DGKI: variants seen among roughly 807,000 people sequenced by gnomAD.
DGKI encodes the protein diacylglycerol kinase iota.
In DGKI, 55 loss-of-function variants were observed where a neutral mutation model predicts 147.5. The observed-to-expected ratio is 0.37, with a 90% CI of 0.30 to 0.47. DGKI has a LOEUF of 0.47. DGKI is among the 20% of genes least tolerant of loss of function. The pLI, the probability that DGKI is intolerant of heterozygous loss-of-function variation, is 1.00. For missense variants in DGKI, 1,007 were observed against 1,323.8 expected (o/e 0.76, Z 3.71); for synonymous variants, 469 against 477.1 (o/e 0.98, Z 0.22).
intron 2 of DGKI, 108 bp from the exon 3 acceptor site, chr7:137,678,760 T>A: frequency 1.1e-6 from 1 of 941,978 alleles, no homozygotes; most frequent in South Asian, 1.4e-5. Context: ...CCAAGGAGTC[T>A]AAACATTTCT....
intron 19 of DGKI, among the ~76,000 whole-genome samples, chr7:137,567,252 A>G (rs893483114): frequency 3.4e-5 from 5 of 147,916 alleles, no homozygotes; most frequent in African/African-American, 1.3e-4. Context: ...CAACAAGAGC[A>G]AAACTCCATC....
At chr7:137,761,990 T>C (rs1012539107) in intron 1 of DGKI, among the ~76,000 whole-genome samples, 10 of 152,188 alleles carry the variant, frequency 6.6e-5, no homozygotes, top group Admixed American at 1.3e-4. Flanking sequence ...AGGTAGTAAT[T>C]AAACCCACTT....
chr7:137,421,305 T>C (rs568461861), intron 28 of DGKI, among the ~76,000 whole-genome samples: 1 of 152,218 alleles, frequency 6.6e-6, no homozygotes, highest in Non-Finnish European at 1.5e-5. Flanking sequence ...CCATCTTAGA[T>C]TGTGTAACCA....
chr7:137,652,906 G>A (rs1189435973), intron 5 of DGKI, among the ~76,000 whole-genome samples: 1 of 152,162 alleles, frequency 6.6e-6, no homozygotes, highest in African/African-American at 2.4e-5. Flanking sequence ...TAAATAGGCT[G>A]ATGACTCACA....
At chr7:137,733,878 T>C (rs983973455) in intron 1 of DGKI, among the ~76,000 whole-genome samples, 3 of 152,088 alleles carry the variant, frequency 2.0e-5, no homozygotes, top group African/African-American at 7.2e-5. Flanking sequence ...TGGTTTCACA[T>C]GCTACCTATA....
chr7:137,534,966 G>A (rs1817468693), intron 20 of DGKI, among the ~76,000 whole-genome samples: 1 of 152,056 alleles, frequency 6.6e-6, no homozygotes, highest in Non-Finnish European at 1.5e-5. Context: ...AGACAAAGAG[G>A]GAAGACCATA....
chr7:137,819,225 C>T (rs1390994711), intron 1 of DGKI, among the ~76,000 whole-genome samples: 1 of 152,146 alleles, frequency 6.6e-6, no homozygotes, highest in Non-Finnish European at 1.5e-5. Flanking sequence ...AGACGTTACA[C>T]CAGATAACAC....
intron 20 of DGKI, among the ~76,000 whole-genome samples, chr7:137,546,450 A>G (rs963045724): frequency 1.3e-5 from 2 of 152,240 alleles, no homozygotes; most frequent in Non-Finnish European, 2.9e-5. Context: ...CCAAAAGACA[A>G]TCATCTTAAA....
At chr7:137,636,082 C>G (rs955499270) in intron 6 of DGKI, among the ~76,000 whole-genome samples, 1 of 152,184 alleles carries the variant, frequency 6.6e-6, no homozygotes, top group Admixed American at 6.5e-5. Context: ...CTAGCTGTTA[C>G]CTGACAACAG....
At chr7:137,496,729 G>A (rs1227163044) in intron 21 of DGKI, among the ~76,000 whole-genome samples, 2 of 152,070 alleles carry the variant, frequency 1.3e-5, no homozygotes, top group Non-Finnish European at 2.9e-5. Context: ...AATGGTGCTG[G>A]AATAACCGAC....
chr7:137,682,217 A>G (rs1329953781), intron 2 of DGKI, among the ~76,000 whole-genome samples: 1 of 152,182 alleles, frequency 6.6e-6, no homozygotes, highest in Non-Finnish European at 1.5e-5. Flanking sequence ...AATCCTGCAT[A>G]AAGTTGTCTA....
intron 28 of DGKI, among the ~76,000 whole-genome samples, chr7:137,430,937 C>T (rs1223550350): frequency 1.3e-5 from 2 of 152,038 alleles, no homozygotes; most frequent in East Asian, 1.9e-4. Context: ...CTCCTCTCCC[C>T]GAACTCCCAC....
intron 10 of DGKI, among the ~76,000 whole-genome samples, chr7:137,603,899 A>AATGT: frequency 6.6e-6 from 1 of 152,180 alleles, no homozygotes; most frequent in Non-Finnish European, 1.5e-5. Context: ...TGGTTTAAAT[A>AATGT]ATGTATGCTG....
intron 28 of DGKI, among the ~76,000 whole-genome samples, chr7:137,442,488 A>G (rs991983143): frequency 1.1e-4 from 17 of 152,212 alleles, no homozygotes; most frequent in African/African-American, 4.1e-4. Context: ...TCCTAGTTCA[A>G]AATAAAAACC....
chr7:137,420,234 A>T (rs2128905505), intron 28 of DGKI, among the ~76,000 whole-genome samples: 1 of 152,178 alleles, frequency 6.6e-6, no homozygotes, highest in Non-Finnish European at 1.5e-5. Flanking sequence ...TGATCAACTC[A>T]CCTCGCCTTG....
intron 1 of DGKI, among the ~76,000 whole-genome samples, chr7:137,782,446 C>G (rs1206310883): frequency 6.6e-6 from 1 of 152,160 alleles, no homozygotes; most frequent in African/African-American, 2.4e-5. Context: ...ACAGGGAGCC[C>G]TGCCCAAGGA....
rs150194842 is a variant in DGKI, at chr7:137,466,369, G to A, written c.2485-334C>T. ...TGTATGGTAAGTGGACTTCTACCCCGTCATCTGGTCAAAGCTAAGCAGCAT... is the reference window on the plus strand; with the variant it reads ...TGTATGGTAAGTGGACTTCTACCCCATCATCTGGTCAAAGCTAAGCAGCAT... On this transcript the variant is annotated intron_variant, in intron 25 of 32. Coordinates refer to ENST00000614521, the MANE Select transcript of DGKI (RefSeq NM_001321708.2). Among the ~76,000 whole-genome samples, 21 of 152,282 alleles carry A rather than the reference G, an allele frequency of 1.4e-4. No homozygotes were observed. The East Asian group carries it at 2.7e-3, about 20-fold the overall frequency.
chr7:137,747,721 T>TAA, intron 1 of DGKI, among the ~76,000 whole-genome samples: 1 of 152,286 alleles, frequency 6.6e-6, no homozygotes, highest in East Asian at 1.9e-4. Context: ...CTTCTACTGG[T>TAA]AACACCATCA....
intron 3 of DGKI, among the ~76,000 whole-genome samples, chr7:137,663,025 T>C (rs57826418): frequency 0.18 from 26,852 of 152,218 alleles, 7,170 homozygotes; most frequent in African/African-American, 0.58. Context: ...CTGTAGATGC[T>C]GGGTATCTGG....
Sources: gnomAD v4.1 joint callset for allele counts (sites outside exome capture counted in the v4.1 genomes callset) on GRCh38, gnomAD v4.1.1 for gene constraint, MANE v1.5 for transcripts, NCBI Gene and HGNC (gene_info 2026-07-23, HGNC 2026-07-21) for gene names.